ROBO1: variants seen among roughly 807,000 people sequenced by gnomAD.
ROBO1 encodes the protein roundabout guidance receptor 1.
In ROBO1, 149 loss-of-function variants were observed where a neutral mutation model predicts 195.9. The ratio of observed to expected loss-of-function variants is 0.76; its 90% CI spans 0.67 to 0.87. The LOEUF (loss-of-function observed/expected upper bound fraction) is 0.87, where lower values mean the gene tolerates loss of function less well. ROBO1 is among the 40% of genes least tolerant of loss of function. ROBO1 has a pLI of 0.00. For synonymous variants in ROBO1, 816 were observed against 733.2 expected (o/e 1.11, Z -1.82); for missense variants, 1,933 against 2,068.3 (o/e 0.93, Z 1.27).
At chr3:79,502,205 T>C (rs968239148) in intron 2 of ROBO1, among the ~76,000 whole-genome samples, 13 of 152,120 alleles carry the variant, frequency 8.5e-5, no homozygotes, top group Admixed American at 2.6e-4. Flanking sequence ...AGCCCCTTTC[T>C]GGGCGGGCCA....
At chr3:79,476,973 A>G (rs1938575640) in intron 2 of ROBO1, among the ~76,000 whole-genome samples, 1 of 152,062 alleles carries the variant, frequency 6.6e-6, no homozygotes, top group African/African-American at 2.4e-5. Flanking sequence ...GGTAATGAAA[A>G]TATCTTGTCT....
intron 26 of ROBO1, among the ~76,000 whole-genome samples, chr3:78,621,684 C>T (rs1372399970): frequency 6.6e-6 from 1 of 152,140 alleles, no homozygotes; most frequent in Non-Finnish European, 1.5e-5. Flanking sequence ...GAACCTCAAC[C>T]CTCTAGATTT....
rs139824748 is a variant in ROBO1, at chr3:79,581,390, T to G, written c.88+8434A>C. 4.9e-3 allele frequency among the ~76,000 whole-genome samples: 750 copies of G among 152,254 alleles called. 7 individuals carry two copies. Among genetic ancestry groups the G allele is most frequent in the Admixed American group, 9.4e-3 (144 of 15,262 alleles). On this transcript the variant is annotated intron_variant, in intron 2 of 30. Coordinates refer to ENST00000464233, the MANE Select transcript of ROBO1 (RefSeq NM_002941.4). ...ATCCAGTTTAATCACAAAGGCCATA[T>G]CATCAAAGTAGAATAATCCTGGTCT... is the stretch of plus-strand genomic sequence containing the variant.
At chr3:79,538,077 T>A (rs1228245496) in intron 2 of ROBO1, among the ~76,000 whole-genome samples, 1 of 152,150 alleles carries the variant, frequency 6.6e-6, no homozygotes, top group Non-Finnish European at 1.5e-5. Flanking sequence ...ATATAGCCAA[T>A]TTATTAATTC....
intron 3 of ROBO1, among the ~76,000 whole-genome samples, chr3:79,081,178 A>ATT (rs879641396): frequency 3.4e-5 from 5 of 146,854 alleles, no homozygotes; most frequent in African/African-American, 9.9e-5. Context: ...TTCCGATAGG[A>ATT]TTTTTTTTTT....
At chr3:78,834,333 G>A (rs1456749604) in intron 4 of ROBO1, among the ~76,000 whole-genome samples, 2 of 151,286 alleles carry the variant, frequency 1.3e-5, no homozygotes, top group East Asian at 1.9e-4. Flanking sequence ...TGGTGGGAAC[G>A]GCTTAGGTGT....
chr3:79,052,907 C>G (rs1237840446), intron 3 of ROBO1, among the ~76,000 whole-genome samples: 1 of 151,988 alleles, frequency 6.6e-6, no homozygotes, highest in Admixed American at 6.6e-5. Context: ...CTATGGGTCA[C>G]AAAGAGTCTA....
intron 29 of ROBO1, among the ~76,000 whole-genome samples, chr3:78,604,485 A>G (rs1700968050): frequency 6.6e-6 from 1 of 152,250 alleles, no homozygotes; most frequent in Non-Finnish European, 1.5e-5. Flanking sequence ...GAGTCGAGTC[A>G]CACTGAGTCA....
At chr3:78,625,752 C>T (rs1559661945) in intron 26 of ROBO1, among the ~76,000 whole-genome samples, 1 of 152,168 alleles carries the variant, frequency 6.6e-6, no homozygotes. Context: ...GAAGTCTTTA[C>T]ATTTGACCAT....
chr3:78,964,531 T>C (rs188040966), intron 3 of ROBO1, among the ~76,000 whole-genome samples: 6 of 152,232 alleles, frequency 3.9e-5, no homozygotes, highest in African/African-American at 1.4e-4. Flanking sequence ...CTTAGCCTAA[T>C]AGCAACACAG....
chr3:79,071,600 G>A (rs537805878), intron 3 of ROBO1, among the ~76,000 whole-genome samples: 2 of 151,540 alleles, frequency 1.3e-5, no homozygotes, highest in Non-Finnish European at 2.9e-5. Flanking sequence ...ATTATGGGAG[G>A]TTCTCTATTG....
chr3:79,022,994 G>A (rs2078132067), intron 3 of ROBO1, among the ~76,000 whole-genome samples: 1 of 152,182 alleles, frequency 6.6e-6, no homozygotes, highest in Admixed American at 6.6e-5. Context: ...GGTCTCTCCA[G>A]GGATTGCAGA....
intron 3 of ROBO1, among the ~76,000 whole-genome samples, chr3:79,063,762 T>C (rs2108412288): frequency 6.6e-6 from 1 of 152,008 alleles, no homozygotes; most frequent in Admixed American, 6.6e-5. Flanking sequence ...ATTTGTATCC[T>C]GAAGTCAGCT....
chr3:79,395,302 A>G (rs2037109371), intron 2 of ROBO1, among the ~76,000 whole-genome samples: 1 of 140,722 alleles, frequency 7.1e-6, no homozygotes. Flanking sequence ...AGCCTGGGCG[A>G]TAGAGCAAGA....
chr3:79,205,154 G>A (rs546158140), intron 2 of ROBO1, among the ~76,000 whole-genome samples: 1 of 151,920 alleles, frequency 6.6e-6, no homozygotes, highest in Admixed American at 6.6e-5. Context: ...CACCATATCC[G>A]GTTAATTTTT....
intron 2 of ROBO1, among the ~76,000 whole-genome samples, chr3:79,479,926 G>T (rs116561172): frequency 6.6e-6 from 1 of 152,032 alleles, no homozygotes; most frequent in Admixed American, 6.6e-5. Context: ...ATGGAAGTTC[G>T]CATTCCCTAG....
intron 4 of ROBO1, among the ~76,000 whole-genome samples, chr3:78,906,775 ATT>A (rs1479708895): frequency 6.6e-6 from 1 of 152,132 alleles, no homozygotes; most frequent in Non-Finnish European, 1.5e-5. Flanking sequence ...GTAAATACTT[ATT>A]GATATACTGT....
At chr3:79,217,449 A>C (rs753675093) in intron 2 of ROBO1, among the ~76,000 whole-genome samples, 10 of 152,000 alleles carry the variant, frequency 6.6e-5, no homozygotes, top group Non-Finnish European at 2.9e-5. Flanking sequence ...TAAGGAACTT[A>C]TTCTGCAACA....
chr3:79,390,172 G>T (rs1483625631), intron 2 of ROBO1, among the ~76,000 whole-genome samples: 3 of 152,064 alleles, frequency 2.0e-5, no homozygotes, highest in African/African-American at 7.2e-5. Flanking sequence ...AAGACAAGGG[G>T]AGGACCAGAC....
Sources: allele counts gnomAD v4.1 joint callset (sites outside exome capture counted in the v4.1 genomes callset), GRCh38; gene constraint gnomAD v4.1.1; transcripts MANE v1.5; gene names NCBI Gene and HGNC (gene_info 2026-07-23, HGNC 2026-07-21).